Variants in ANKRD44 observed in about 807,000 individuals in gnomAD.
ANKRD44 encodes the protein serine/threonine-protein phosphatase 6 regulatory ankyrin repeat subunit B.
A neutral mutation model predicts 116.0 loss-of-function variants in ANKRD44; 35 were observed. The ratio of observed to expected loss-of-function variants is 0.30; its 90% CI spans 0.23 to 0.40. The LOEUF (loss-of-function observed/expected upper bound fraction) is 0.40, where lower values mean the gene tolerates loss of function less well. Ranked by LOEUF, ANKRD44 falls within the 10% of genes least tolerant of loss-of-function variation. The pLI is 1.00. For synonymous variants in ANKRD44, 435 were observed against 461.8 expected, an observed-to-expected ratio of 0.94 and a Z score of 0.74; for missense variants, 1,014 against 1,242.6, an observed-to-expected ratio of 0.82 and a Z score of 2.77.
intron 1 of ANKRD44, among the ~76,000 whole-genome samples, chr2:197,307,480 T>C (rs1405707832): frequency 3.4e-5 from 5 of 148,106 alleles, no homozygotes; most frequent in African/African-American, 5.0e-5. Flanking sequence ...TTACAAAAGT[T>C]ACAAATGCAG....
Position 197,310,682 on chromosome 2 carries a change from G to T in ANKRD44, c.-78C>A. 7.9e-7 allele frequency: 1 copy of T among 1,268,932 alleles called. No individual in the cohort carries two copies. 78.6% of individuals were successfully genotyped at this position (1,268,932 alleles called of 1,614,324 possible). On this transcript the variant is annotated 5_prime_UTR_variant, in exon 1 of 28. Transcript: ENST00000282272. ...ACGCCGGGAGCCGGGGAAGCGGAAGGGATTGCCAGGAGAAGGGAAAAAATC... is the reference window on the plus strand; with the variant it reads ...ACGCCGGGAGCCGGGGAAGCGGAAGTGATTGCCAGGAGAAGGGAAAAAATC...
intron 1 of ANKRD44, among the ~76,000 whole-genome samples, chr2:197,286,749 C>T (rs990643836): frequency 1.3e-5 from 2 of 151,650 alleles, no homozygotes; most frequent in South Asian, 2.1e-4. Flanking sequence ...TTCAAACTGT[C>T]GAAAAATATG....
intron 1 of ANKRD44, among the ~76,000 whole-genome samples, chr2:197,213,329 A>G (rs1038923722): frequency 5.3e-5 from 8 of 152,224 alleles, no homozygotes; most frequent in Admixed American, 3.9e-4. Flanking sequence ...TTTTTGGCAT[A>G]TCATCTTCCA....
At chr2:197,060,999 A>G (rs1378764137) in intron 16 of ANKRD44, among the ~76,000 whole-genome samples, 2 of 152,198 alleles carry the variant, frequency 1.3e-5, no homozygotes, top group African/African-American at 2.4e-5. Flanking sequence ...GAGAGTGTAG[A>G]TACGTCTTTG....
intron 2 of ANKRD44, among the ~76,000 whole-genome samples, chr2:197,175,247 A>C (rs2080337676): frequency 6.6e-6 from 1 of 152,170 alleles, no homozygotes; most frequent in African/African-American, 2.4e-5. Flanking sequence ...AAAGCCGGTA[A>C]TGGGCAATAC....
At chr2:197,207,003 A>G (rs1469838702) in intron 1 of ANKRD44, among the ~76,000 whole-genome samples, 2 of 152,238 alleles carry the variant, frequency 1.3e-5, no homozygotes, top group Non-Finnish European at 2.9e-5. Context: ...TTCTTTGAAG[A>G]GAAGTGATGG....
At chr2:197,026,631 G>A in intron 16 of ANKRD44, among the ~76,000 whole-genome samples, 1 of 152,184 alleles carries the variant, frequency 6.6e-6, no homozygotes, top group Non-Finnish European at 1.5e-5. Flanking sequence ...AAGCCGTGTA[G>A]GCTGTTGTCA....
At chr2:197,273,983 ATATATATATATATATATATATATATAT>A (rs2082993464) in intron 1 of ANKRD44, among the ~76,000 whole-genome samples, 2 of 28,248 alleles carry the variant, frequency 7.1e-5, no homozygotes, top group African/African-American at 4.0e-4. Context: ...AAAAAAAAAT[ATATATATATATATATATATATATATAT>A]ATATATATAT....
intron 1 of ANKRD44, among the ~76,000 whole-genome samples, chr2:197,278,092 A>G (rs1425875363): frequency 6.6e-6 from 1 of 152,116 alleles, no homozygotes; most frequent in South Asian, 2.1e-4. Context: ...CCAAGGCAGC[A>G]AATTAGCTAA....
At chr2:197,282,063 C>T (rs2105833344) in intron 1 of ANKRD44, among the ~76,000 whole-genome samples, 1 of 152,224 alleles carries the variant, frequency 6.6e-6, no homozygotes, top group South Asian at 2.1e-4. Flanking sequence ...ACCATCCTGG[C>T]TAACAAGGTG....
intron 19 of ANKRD44, among the ~76,000 whole-genome samples, chr2:197,008,244 T>C (rs954050023): frequency 1.3e-5 from 2 of 152,154 alleles, no homozygotes; most frequent in Non-Finnish European, 2.9e-5. Context: ...GGGGAGTATG[T>C]GTATGCAGAA....
chr2:197,076,534 A>G (rs2077669777), intron 16 of ANKRD44, among the ~76,000 whole-genome samples: 1 of 152,160 alleles, frequency 6.6e-6, no homozygotes, highest in Non-Finnish European at 1.5e-5. Flanking sequence ...TCAGGGGTAC[A>G]TGTGCAGGTT....
chr2:197,145,152 G>A (rs567322395), intron 3 of ANKRD44, among the ~76,000 whole-genome samples: 4 of 152,210 alleles, frequency 2.6e-5, no homozygotes, highest in South Asian at 2.1e-4. Context: ...TTAGCCAGGC[G>A]TGGTGGCACG....
chr2:197,179,111 A>T (rs1357865677), intron 2 of ANKRD44, among the ~76,000 whole-genome samples: 1 of 152,156 alleles, frequency 6.6e-6, no homozygotes, highest in Non-Finnish European at 1.5e-5. Context: ...CCAAATGTCC[A>T]TATATAGTTG....
intron 16 of ANKRD44, among the ~76,000 whole-genome samples, chr2:197,072,043 GAAA>G: frequency 9.2e-6 from 1 of 109,100 alleles, no homozygotes; most frequent in African/African-American, 3.0e-5. Flanking sequence ...ATGGAGGGAG[GAAA>G]GAAGGAAGGA....
At chr2:197,178,055 G>A (rs2080410909) in intron 2 of ANKRD44, among the ~76,000 whole-genome samples, 1 of 152,198 alleles carries the variant, frequency 6.6e-6, no homozygotes, top group Admixed American at 6.5e-5. Flanking sequence ...ATCCCCCACA[G>A]TTAGAATGTT....
At chr2:197,045,990 T>C (rs1266120852) in intron 16 of ANKRD44, among the ~76,000 whole-genome samples, 1 of 152,232 alleles carries the variant, frequency 6.6e-6, no homozygotes, top group Non-Finnish European at 1.5e-5. Context: ...TGTACTCTAC[T>C]AGTCATATAA....
At chr2:197,154,457 G>A (rs1309289057) in intron 2 of ANKRD44, among the ~76,000 whole-genome samples, 1 of 152,124 alleles carries the variant, frequency 6.6e-6, no homozygotes, top group East Asian at 1.9e-4. Flanking sequence ...GGGATTACAG[G>A]CGTGAGCCAC....
At position 196,989,170 on chromosome 2, in the gene ANKRD44, C is replaced by T; in HGVS notation, c.*421G>A. On this transcript the variant is annotated 3_prime_UTR_variant, in exon 28 of 28. Coordinates refer to ENST00000282272, the MANE Select transcript of ANKRD44 (RefSeq NM_001195144.2). ...TTGTTATTCTAAATAAGATACATAG[C>T]AATTAAAATAGAGAACAAATAATGG... 3.1e-6 allele frequency: 3 copies of T among 979,418 alleles called. No individual in the cohort carries two copies. The highest frequency in any genetic ancestry group is 3.6e-6 in the Non-Finnish European group (3 of 827,538). The allele number at this position is 979,418 out of a possible 1,614,324, so 60.7% of individuals were successfully genotyped here.
Sources: gnomAD v4.1 joint callset for allele counts (sites outside exome capture counted in the v4.1 genomes callset) on GRCh38, gnomAD v4.1.1 for gene constraint, MANE v1.5 for transcripts, NCBI Gene and HGNC (gene_info 2026-07-23, HGNC 2026-07-21) for gene names.